ZNF23: variants seen among roughly 807,000 people sequenced by gnomAD.
ZNF23 encodes the protein kruppel-like zinc finger factor X31.
In ZNF23, 48 loss-of-function variants were observed where a neutral mutation model predicts 56.2. The ratio of observed to expected loss-of-function variants is 0.85; its 90% CI spans 0.68 to 1.09. The LOEUF (loss-of-function observed/expected upper bound fraction) is 1.09, where lower values mean the gene tolerates loss of function less well. Among genes scored for constraint, ZNF23 ranks in the 50% least tolerant of loss-of-function variants. The pLI is 0.00. For missense variants in ZNF23, 805 were observed against 811.4 expected, an observed-to-expected ratio of 0.99 and a Z score of 0.10; for synonymous variants, 266 against 283.3, an observed-to-expected ratio of 0.94 and a Z score of 0.61.
In ZNF23 at chr16:71,449,429, G is replaced by A. The variant is rs371943450; in HGVS notation, c.725C>T (p.Ser242Leu). 4.7e-5 allele frequency: 76 copies of A among 1,614,060 alleles called. No individual in the cohort carries two copies. The highest frequency in any genetic ancestry group is 3.3e-4 in the Middle Eastern group (2 of 6,084). The change falls in exon 5 of 5, where the codon TCG becomes TTG. Residue 242 changes from serine to leucine, a missense_variant. By Grantham distance (145) the Ser-to-Leu change is moderately radical (BLOSUM62 -2). Coordinates refer to ENST00000647773, the MANE Select transcript of ZNF23 (RefSeq NM_001381984.1). The stretch of plus-strand genomic sequence containing the variant: ...AATGCTGAAAGCTTTGCCACACTCC[G>A]AACACTGATAAGGCTTTTCCTCAGT... ...NNTEEKPYQC[S>L]ECGKAFSINE...
chr16:71,450,792 C>T (rs1259539032), intron 4 of ZNF23: 1 of 370,590 alleles, frequency 2.7e-6, no homozygotes, highest in Non-Finnish European at 5.5e-6. Flanking sequence ...CTTTTAATCA[C>T]ACCATGCTTT....
At chr16:71,460,525 G>C (rs1054257274) in intron 1 of ZNF23, among the ~76,000 whole-genome samples, 1 of 152,170 alleles carries the variant, frequency 6.6e-6, no homozygotes, top group Non-Finnish European at 1.5e-5. Context: ...AACCGTAGCA[G>C]AGCACAGCAA....
At chr16:71,460,768 G>A (rs2043416039) in intron 1 of ZNF23, among the ~76,000 whole-genome samples, 1 of 152,172 alleles carries the variant, frequency 6.6e-6, no homozygotes, top group African/African-American at 2.4e-5. Context: ...AGATGCCAAA[G>A]ATGTTTAACA....
At chr16:71,456,861 G>A (rs2043252249) in intron 1 of ZNF23, 33 bp from the exon 2 acceptor site, 3 of 921,458 alleles carry the variant, frequency 3.3e-6, no homozygotes, top group Non-Finnish European at 1.3e-6. Context: ...ACAAGTGTGA[G>A]GCAAGCCACC....
chr16:71,456,286 G>A (rs554911105), intron 2 of ZNF23, among the ~76,000 whole-genome samples: 1 of 152,256 alleles, frequency 6.6e-6, no homozygotes, highest in South Asian at 2.1e-4. Flanking sequence ...CGTCCCATGT[G>A]ACTGTCTTCC....
chr16:71,448,590 T>C lies in ZNF23; in HGVS notation c.1564A>G (p.Asn522Asp). The C allele has an allele frequency of 3.7e-6, 6 of 1,612,174 alleles. No homozygotes were observed. Among genetic ancestry groups the C allele is most frequent in the South Asian group, 1.1e-5 (1 of 90,954 alleles). The change falls in exon 5 of 5, where the codon AAT becomes GAT. Residue 522 changes from asparagine to aspartate, a missense_variant. By Grantham distance (23) the Asn-to-Asp change is conservative. Coordinates refer to ENST00000647773, the MANE Select transcript of ZNF23 (RefSeq NM_001381984.1). ...IHTGEKPFEC[N>D]ECGRCFTSKR... The stretch of plus-strand genomic sequence containing the variant: ...GAAGTAAAGCATCTCCCACACTCAT[T>C]ACATTCAAAAGGTTTCTCCCCAGTG...
At chr16:71,460,280 G>A (rs112059975) in intron 1 of ZNF23, among the ~76,000 whole-genome samples, 4 of 152,106 alleles carry the variant, frequency 2.6e-5, no homozygotes, top group African/African-American at 7.2e-5. Context: ...ACTCGTCCAA[G>A]GCATTCTTTG....
At position 71,450,812 on chromosome 16, in the gene ZNF23, T is replaced by C. The variant is rs192239805; in HGVS notation, c.269-927A>G. ...AATCACACCATGCTTTTCTACACCC[T>C]GCAGTTTCTTCTTAGTTGTTCCTAT... On this transcript the variant is annotated intron_variant, in intron 4 of 4. Coordinates refer to ENST00000647773, the MANE Select transcript of ZNF23 (RefSeq NM_001381984.1). 2,002 of 312,320 alleles carry C rather than the reference T, an allele frequency of 6.4e-3. 32 individuals are homozygous for C. Among genetic ancestry groups the C allele is most frequent in the South Asian group, 0.026 (1,092 of 41,956 alleles). The allele number at this position is 312,320 out of a possible 1,614,324, so 19.3% of individuals were successfully genotyped here.
intron 4 of ZNF23, chr16:71,451,919 T>G (rs1486690851): frequency 1.3e-5 from 2 of 152,236 alleles, no homozygotes; most frequent in Non-Finnish European, 2.9e-5. Context: ...TTACAGCAAA[T>G]GAGTCTTAAA....
rs1004469520 is a variant in ZNF23 at position 71,449,613 on chromosome 16, G to T, written c.541C>A (p.Gln181Lys). ...SYQCHTITGE[Q>K]PSGCTGLGKS... ...CCCAATCCTGTACACCCAGAGGGCTGCTCTCCAGTGATGGTATGACACTGA... is the reference window on the plus strand; with the variant it reads ...CCCAATCCTGTACACCCAGAGGGCTTCTCTCCAGTGATGGTATGACACTGA... The change falls in exon 5 of 5, where the codon CAG (glutamine) becomes AAG (lysine). Residue 181 changes from glutamine (Q) to lysine (K), a missense_variant. Gln to Lys is a moderately conservative substitution (Grantham distance 53). Transcript: ENST00000647773. The T allele has an allele frequency of 6.2e-7, 1 of 1,613,916 alleles. No homozygotes were observed.
intron 4 of ZNF23, 176 bp from the exon 5 acceptor site, chr16:71,450,061 G>A: frequency 7.9e-6 from 4 of 506,980 alleles, no homozygotes; most frequent in South Asian, 7.5e-5. Context: ...ACTAGTAAAA[G>A]AATACAATAA....
chr16:71,454,251 T>C, intron 2 of ZNF23, 83 bp from the exon 3 acceptor site: 1 of 1,500,866 alleles, frequency 6.7e-7, no homozygotes, highest in Non-Finnish European at 8.8e-7. Context: ...TATAAGGGCT[T>C]GGGGAGGGTG....
chr16:71,449,155 G>T lies in ZNF23; in HGVS notation c.999C>A (p.Ser333Arg), dbSNP rs1294060667. Residue 333 changes from serine (S) to arginine (R), a missense_variant, in exon 5 of 5, where the codon AGC becomes AGA. Physicochemically the swap from Ser to Arg is moderately radical, Grantham distance 110 (BLOSUM62 -1). Transcript: ENST00000647773. ...YQCKECGNGFSCSSAYITHQR... is the reference protein window; with the variant it reads ...YQCKECGNGFRCSSAYITHQR... Reference sequence around the variant, plus strand: ...GATGTGTAATATATGCAGAACTACAGCTGAAGCCATTTCCACATTCCTTGC... The same window carrying T: ...GATGTGTAATATATGCAGAACTACATCTGAAGCCATTTCCACATTCCTTGC... 6.2e-7 allele frequency: 1 copy of T among 1,613,958 alleles called. No individual in the cohort carries two copies. Among genetic ancestry groups the T allele is most frequent in the Admixed American group, 1.7e-5 (1 of 59,996 alleles).
At position 71,448,296 on chromosome 16, in the gene ZNF23, G is replaced by A. The variant is rs143756876; in HGVS notation, c.1858C>T (p.Arg620Trp). 235 of 1,613,866 alleles carry A rather than the reference G, an allele frequency of 1.5e-4. No individual in the cohort carries two copies. Among genetic ancestry groups the A allele is most frequent in the Middle Eastern group, 4.9e-4 (3 of 6,082 alleles). The change falls in exon 5 of 5, where the codon CGG becomes TGG. Residue 620 changes from arginine to tryptophan, a missense_variant. By Grantham distance (101) the Arg-to-Trp change is moderately radical. Transcript: ENST00000647773. ...KAFHVNAHLIRHQRSHTGEKP... is the reference protein window; with the variant it reads ...KAFHVNAHLIWHQRSHTGEKP... ...TCCCCAGTGTGGCTTCTCTGATGCC[G>A]AATTAAATGGGCATTAACATGGAAG... is the stretch of plus-strand genomic sequence containing the variant.
At chr16:71,453,982 A>T in intron 3 of ZNF23, 60 bp downstream of exon 3, 1 of 1,588,318 alleles carries the variant, frequency 6.3e-7, no homozygotes, top group Non-Finnish European at 8.6e-7. Flanking sequence ...CCTGTAAGGG[A>T]GAAGCAAGCC....
At chr16:71,458,469 C>G (rs975582990) in intron 1 of ZNF23, among the ~76,000 whole-genome samples, 1 of 152,100 alleles carries the variant, frequency 6.6e-6, no homozygotes, top group African/African-American at 2.4e-5. Context: ...ACCTTTTTCC[C>G]AGGGTTAGAG....
In ZNF23 at chr16:71,449,428, C is replaced by T. The variant is rs141672652; in HGVS notation, c.726G>A (p.Ser242=). ...NNTEEKPYQC[S]ECGKAFSINE... ...TAATGCTGAAAGCTTTGCCACACTC[C>T]GAACACTGATAAGGCTTTTCCTCAG... The change falls in exon 5 of 5, where the codon TCG becomes TCA. Residue 242 remains serine, a synonymous_variant. Transcript: ENST00000647773. 166 of 1,614,086 alleles carry T rather than the reference C, an allele frequency of 1.0e-4. No individual in the cohort carries two copies. Among genetic ancestry groups the T allele is most frequent in the Non-Finnish European group, 1.3e-4 (153 of 1,180,054 alleles).
At chr16:71,460,594 C>T (rs1163597459) in intron 1 of ZNF23, among the ~76,000 whole-genome samples, 2 of 152,162 alleles carry the variant, frequency 1.3e-5, no homozygotes, top group Non-Finnish European at 2.9e-5. Flanking sequence ...AAACTACAGA[C>T]CAGTCTCATT....
intron 1 of ZNF23, among the ~76,000 whole-genome samples, chr16:71,457,495 A>G (rs541387637): frequency 1.3e-5 from 2 of 152,200 alleles, no homozygotes; most frequent in South Asian, 2.1e-4. Flanking sequence ...CCCGGGAGGC[A>G]GAGCTTGCAG....
Sources: allele counts gnomAD v4.1 joint callset (sites outside exome capture counted in the v4.1 genomes callset), GRCh38; gene constraint gnomAD v4.1.1; transcripts MANE v1.5; gene names NCBI Gene and HGNC (gene_info 2026-07-23, HGNC 2026-07-21).